Variants in LPAR1 observed in about 807,000 individuals in gnomAD.
LPAR1 encodes the protein LPA receptor 1.
Under a neutral mutation model 23.8 loss-of-function variants are expected in LPAR1, and 5 were observed. The ratio of observed to expected loss-of-function variants is 0.21; its 90% CI spans 0.11 to 0.44. LPAR1 has a LOEUF of 0.44. Among genes scored for constraint, LPAR1 ranks in the 20% least tolerant of loss-of-function variants. LPAR1 has a pLI of 0.99. For missense variants in LPAR1, 311 were observed against 482.8 expected, an observed-to-expected ratio of 0.64 and a Z score of 3.33; for synonymous variants, 160 against 164.7, an observed-to-expected ratio of 0.97 and a Z score of 0.22.
rs946190415 is a variant in LPAR1 at position 110,941,654 on chromosome 9, T to C, written c.560A>G (p.Asn187Ser). The C allele has an allele frequency of 6.2e-7, 1 of 1,614,202 alleles. No individual in the cohort carries two copies. Among genetic ancestry groups the C allele is most frequent in the Admixed American group, 1.7e-5 (1 of 60,032 alleles). The change falls in exon 5 of 6, where the codon AAC (asparagine) becomes AGC (serine). Residue 187 changes from asparagine (N) to serine (S), a missense_variant. Physicochemically the swap from Asn to Ser is conservative, Grantham distance 46 (BLOSUM62 1). Transcript: ENST00000683809. The surrounding 1 kb of genome is among the most constrained non-coding windows in gnomAD (Gnocchi z 6.1). ...VMGAIPSVGW[N>S]CICDIENCSN... Reference sequence around the variant, plus strand: ...ACAATTTTCAATATCACAGATACAGTTCCAGCCCACACTGGGTATAGCACC... The same window carrying C: ...ACAATTTTCAATATCACAGATACAGCTCCAGCCCACACTGGGTATAGCACC...
chr9:111,014,727 T>A (rs920981322), intron 2 of LPAR1, among the ~76,000 whole-genome samples: 3 of 152,098 alleles, frequency 2.0e-5, no homozygotes, highest in Non-Finnish European at 2.9e-5. Context: ...TGATTTTAAA[T>A]ACCAAATCTG....
chr9:110,984,081 C>T (rs768373788), intron 2 of LPAR1, among the ~76,000 whole-genome samples: 8 of 151,988 alleles, frequency 5.3e-5, no homozygotes, highest in Non-Finnish European at 7.4e-5. Context: ...GTACGCATCA[C>T]CTCAAGCACT....
intron 2 of LPAR1, among the ~76,000 whole-genome samples, chr9:111,007,858 C>G (rs747564736): frequency 3.3e-5 from 5 of 152,076 alleles, no homozygotes; most frequent in Non-Finnish European, 7.4e-5. Context: ...TTGAAAGCAA[C>G]CCTAAGGTTT....
At chr9:110,968,199 C>T (rs915062023) in intron 4 of LPAR1, among the ~76,000 whole-genome samples, 8 of 152,128 alleles carry the variant, frequency 5.3e-5, no homozygotes, top group Non-Finnish European at 1.0e-4. Flanking sequence ...AACTTTATAA[C>T]CTAACCCATT....
intron 2 of LPAR1, among the ~76,000 whole-genome samples, chr9:111,028,519 G>T (rs2141415738): frequency 6.6e-6 from 1 of 150,606 alleles, no homozygotes; most frequent in Admixed American, 6.6e-5. Flanking sequence ...TTAGAAAAAA[G>T]AAAACTAAGA....
rs550615874 is a variant in LPAR1, at chr9:111,016,578, A to G, written c.-182+19544T>C. 3.9e-5 allele frequency among the ~76,000 whole-genome samples: 6 copies of G among 152,336 alleles called. No individual in the cohort carries two copies. The East Asian group carries it at 5.8e-4, about 15-fold the overall frequency. ...CGTGCTCATAGGCTGATCTTTGTTC[A>G]TGCTACTCTCAGTCAAGTCAATGCT... On this transcript the variant is annotated intron_variant, in intron 2 of 5. Transcript: ENST00000683809.
At position 111,013,295 on chromosome 9, in the gene LPAR1, C is replaced by T. The variant is rs970052667; in HGVS notation, c.-182+22827G>A. On this transcript the variant is annotated intron_variant, in intron 2 of 5. Transcript: ENST00000683809. Reference sequence around the variant, plus strand: ...ACCACAAAACTAAATCTGAAAATGTCCAGGACCAACCAATCCACAATAAAG... The same window carrying T: ...ACCACAAAACTAAATCTGAAAATGTTCAGGACCAACCAATCCACAATAAAG... Among the ~76,000 whole-genome samples the T allele has an allele frequency of 3.3e-5, 5 of 152,116 alleles. No individual in the cohort carries two copies. The East Asian group carries it at 7.7e-4, about 23-fold the overall frequency.
At chr9:110,917,432 A>T (rs2093263183) in intron 5 of LPAR1, among the ~76,000 whole-genome samples, 1 of 152,196 alleles carries the variant, frequency 6.6e-6, no homozygotes, top group Non-Finnish European at 1.5e-5. Flanking sequence ...ACACTATGCT[A>T]AACCTGATTC....
intron 2 of LPAR1, among the ~76,000 whole-genome samples, chr9:110,975,996 T>C (rs1459573671): frequency 6.6e-6 from 1 of 152,166 alleles, no homozygotes; most frequent in Non-Finnish European, 1.5e-5. Flanking sequence ...CTTAAAATTA[T>C]ATCATGAAAT....
intron 2 of LPAR1, among the ~76,000 whole-genome samples, chr9:110,998,495 G>T (rs2097063989): frequency 6.6e-6 from 1 of 152,080 alleles, no homozygotes; most frequent in Non-Finnish European, 1.5e-5. Flanking sequence ...AAGAACTGAG[G>T]GCAGGTGTTA....
chr9:110,907,641 A>G (rs1366174206), intron 5 of LPAR1, among the ~76,000 whole-genome samples: 1 of 152,128 alleles, frequency 6.6e-6, no homozygotes, highest in Non-Finnish European at 1.5e-5. Context: ...CAGATAAAGG[A>G]TATGTGTTGT....
chr9:110,891,132 G>A (rs2084029021), intron 5 of LPAR1, among the ~76,000 whole-genome samples: 1 of 152,102 alleles, frequency 6.6e-6, no homozygotes, highest in East Asian at 1.9e-4. Flanking sequence ...TTGCCTGCTT[G>A]TTAATAGAAA....
intron 4 of LPAR1, 77 bp downstream of exon 4, chr9:110,971,996 T>C (rs1254610244): frequency 1.6e-6 from 2 of 1,244,532 alleles, no homozygotes; most frequent in Non-Finnish European, 2.4e-6. Context: ...TAGAGTCAAA[T>C]ACACTTCCTG....
chr9:110,956,326 G>C (rs2095748465), intron 4 of LPAR1, among the ~76,000 whole-genome samples: 1 of 152,038 alleles, frequency 6.6e-6, no homozygotes, highest in South Asian at 2.1e-4. Context: ...ACCATAGCAT[G>C]TGTATACCTA....
intron 2 of LPAR1, among the ~76,000 whole-genome samples, chr9:111,012,473 A>ACACACACGCATGTACGCACGCGCG (rs2097351974): frequency 1.6e-5 from 1 of 64,448 alleles, no homozygotes; most frequent in Non-Finnish European, 3.9e-5. Flanking sequence ...ACGCGCGCAC[A>ACACACACGCATGTACGCACGCGCG]CACACACACA....
Position 110,972,138 on chromosome 9 carries a change from T to C in LPAR1, c.-21A>G. ...GCCATGACAGCTCTGTGGTTGTAGG[T>C]GGTGAACACGCCCCAGAACTACGGG... On this transcript the variant is annotated 5_prime_UTR_variant, in exon 4 of 6. Coordinates refer to ENST00000683809, the MANE Select transcript of LPAR1 (RefSeq NM_001351411.2). 1.2e-6 allele frequency: 2 copies of C among 1,612,630 alleles called. No homozygotes were observed. Among genetic ancestry groups the C allele is most frequent in the Middle Eastern group, 1.7e-4 (1 of 6,056 alleles).
At chr9:111,015,350 G>T (rs2097422609) in intron 2 of LPAR1, among the ~76,000 whole-genome samples, 1 of 152,024 alleles carries the variant, frequency 6.6e-6, no homozygotes, top group Admixed American at 6.6e-5. Context: ...CTATTCAATA[G>T]CCAAGTTGCA....
chr9:111,015,682 T>C (rs186452844), intron 2 of LPAR1, among the ~76,000 whole-genome samples: 1 of 152,262 alleles, frequency 6.6e-6, no homozygotes, highest in African/African-American at 2.4e-5. Context: ...GCATTGTATA[T>C]TTCAAAATAA....
chr9:110,924,620 C>A (rs1030368597), intron 5 of LPAR1, among the ~76,000 whole-genome samples: 4 of 151,714 alleles, frequency 2.6e-5, no homozygotes, highest in African/African-American at 7.3e-5. Context: ...TCACTAAAGC[C>A]CACTGAGTTC....
Sources: allele counts gnomAD v4.1 joint callset (sites outside exome capture counted in the v4.1 genomes callset), GRCh38; gene constraint gnomAD v4.1.1; non-coding constraint Gnocchi (gnomAD v3.1); transcripts MANE v1.5; gene names NCBI Gene and HGNC (gene_info 2026-07-23, HGNC 2026-07-21).